Variants in CAPRIN1 observed in about 807,000 individuals in gnomAD.
CAPRIN1 encodes caprin-1.
CAPRIN1 carries 29 observed loss-of-function variants against 100.9 expected under a neutral mutation model. That is an observed-to-expected ratio of 0.29 (90% CI 0.21 to 0.39). CAPRIN1 has a LOEUF of 0.39. CAPRIN1 is among the 10% of genes least tolerant of loss of function. CAPRIN1 has a pLI of 1.00. For missense variants in CAPRIN1, 795 were observed against 876.7 expected (o/e 0.91, Z 1.18); for synonymous variants, 338 against 307.5 (o/e 1.10, Z -1.04).
intron 2 of CAPRIN1, among the ~76,000 whole-genome samples, chr11:34,068,664 A>AATTCTT (rs1295019961): frequency 6.6e-6 from 1 of 152,140 alleles, no homozygotes; most frequent in Admixed American, 6.5e-5. Context: ...TGTTGCGTGG[A>AATTCTT]ATTCTTATTG....
At position 34,086,151 on chromosome 11, in the gene CAPRIN1, C is replaced by A; in HGVS notation, c.1054C>A (p.Pro352Thr). The A allele has an allele frequency of 6.2e-7, 1 of 1,614,080 alleles. No individual in the cohort carries two copies. The highest frequency in any genetic ancestry group is 1.1e-5 in the South Asian group (1 of 91,086). ...HSLTPVAQAD[P>T]LVRRQRVQDL... The stretch of plus-strand genomic sequence containing the variant: ...TTTGACTCCAGTGGCTCAGGCAGAT[C>A]CCCTTGTGAGAAGACAGCGAGTACA... Residue 352 changes from proline (P) to threonine (T), a missense_variant, in exon 10 of 19, where the codon CCC becomes ACC. Transcript: ENST00000341394.
In CAPRIN1 at chr11:34,100,646, C is replaced by T. The variant is rs575063258; in HGVS notation, c.*1279C>T. 6.6e-6 allele frequency: 1 copy of T among 152,428 alleles called. No homozygotes were observed. The highest frequency in any genetic ancestry group is 1.9e-4 in the East Asian group (1 of 5,188). 9.4% of individuals were successfully genotyped at this position (152,428 alleles called of 1,614,324 possible). A position where few individuals can be genotyped will look rare whatever the true frequency, so the allele number is the denominator to read the frequency against. On this transcript the variant is annotated 3_prime_UTR_variant, in exon 19 of 19. Coordinates refer to ENST00000341394, the MANE Select transcript of CAPRIN1 (RefSeq NM_005898.5). The stretch of plus-strand genomic sequence containing the variant: ...CTTATTATCTTTTGTCTAATTTAAC[C>T]TTAACTGAATTCTCCGTTTCTCCTG...
intron 2 of CAPRIN1, among the ~76,000 whole-genome samples, chr11:34,068,094 C>CT (rs1343324649): frequency 6.6e-6 from 1 of 152,170 alleles, no homozygotes; most frequent in Non-Finnish European, 1.5e-5. Flanking sequence ...CGTGGGAAGA[C>CT]TAAGACTTGT....
intron 15 of CAPRIN1, among the ~76,000 whole-genome samples, chr11:34,095,326 A>T (rs1286313961): frequency 6.6e-6 from 1 of 152,242 alleles, no homozygotes; most frequent in Non-Finnish European, 1.5e-5. Context: ...GGAAAATGTT[A>T]TGTGTATTTG....
intron 7 of CAPRIN1, 139 bp downstream of exon 7, chr11:34,079,904 AGTTTTTTTTT>A: frequency 2.0e-6 from 1 of 496,814 alleles, no homozygotes; most frequent in African/African-American, 2.3e-5. Context: ...AGCATGACAA[AGTTTTTTTTT>A]TTTTTTTTTT....
At position 34,099,369 on chromosome 11, in the gene CAPRIN1, C is replaced by G. The variant is rs1590750995; in HGVS notation, c.*2C>G. On this transcript the variant is annotated 3_prime_UTR_variant, in exon 19 of 19. Transcript: ENST00000341394. The stretch of plus-strand genomic sequence containing the variant: ...ATGAACACTCAGCAAGTGAATTAAT[C>G]TGATTCACAGGATTATGTTTAATCG... 6.2e-7 allele frequency: 1 copy of G among 1,609,600 alleles called. No individual in the cohort carries two copies. The highest frequency in any genetic ancestry group is 8.5e-7 in the Non-Finnish European group (1 of 1,175,916).
At chr11:34,093,273 G>T (rs996647502) in intron 15 of CAPRIN1, among the ~76,000 whole-genome samples, 3 of 151,512 alleles carry the variant, frequency 2.0e-5, no homozygotes, top group African/African-American at 7.3e-5. Flanking sequence ...AGATACTGGA[G>T]CCTTTAACTC....
chr11:34,084,750 G>A (rs978147425), intron 9 of CAPRIN1, among the ~76,000 whole-genome samples: 4 of 152,156 alleles, frequency 2.6e-5, no homozygotes, highest in Admixed American at 1.3e-4. Context: ...AGGTAATAGG[G>A]ATGTATAGCA....
intron 2 of CAPRIN1, among the ~76,000 whole-genome samples, chr11:34,057,072 T>C (rs953503224): frequency 3.9e-5 from 6 of 152,242 alleles, no homozygotes; most frequent in Non-Finnish European, 7.3e-5. Flanking sequence ...GCAGAACTTA[T>C]GTGTTCAGTG....
intron 9 of CAPRIN1, among the ~76,000 whole-genome samples, chr11:34,084,543 G>A (rs1435841057): frequency 6.6e-6 from 1 of 152,166 alleles, no homozygotes; most frequent in African/African-American, 2.4e-5. Flanking sequence ...ACACACCGAA[G>A]TCTGCTCATA....
chr11:34,096,288 A>T, intron 15 of CAPRIN1, 191 bp from the exon 16 acceptor site: 1 of 470,106 alleles, frequency 2.1e-6, no homozygotes, highest in Non-Finnish European at 3.7e-6. Context: ...TTTACCCCCA[A>T]TAGCTGAGTC....
At chr11:34,095,117 A>T (rs1353715635) in intron 15 of CAPRIN1, among the ~76,000 whole-genome samples, 1 of 152,046 alleles carries the variant, frequency 6.6e-6, no homozygotes, top group African/African-American at 2.4e-5. Flanking sequence ...GCTGGTCTCA[A>T]ACTCCTGAGC....
At chr11:34,053,960 C>T (rs1014447925) in intron 2 of CAPRIN1, among the ~76,000 whole-genome samples, 7 of 152,198 alleles carry the variant, frequency 4.6e-5, no homozygotes, top group Non-Finnish European at 1.0e-4. Flanking sequence ...TTTATAACAT[C>T]TTGAATTTCC....
chr11:34,079,232 T>A (rs778128964), intron 6 of CAPRIN1, among the ~76,000 whole-genome samples: 1 of 152,132 alleles, frequency 6.6e-6, no homozygotes, highest in African/African-American at 2.4e-5. Context: ...AAACCTTGCC[T>A]CTACTGAAAA....
intron 1 of CAPRIN1, 65 bp from the exon 2 acceptor site, chr11:34,052,356 C>A: frequency 1.5e-6 from 2 of 1,305,848 alleles, no homozygotes; most frequent in Non-Finnish European, 2.2e-6. Flanking sequence ...TCGCCCCGTC[C>A]GTCTCCTGAC....
intron 2 of CAPRIN1, among the ~76,000 whole-genome samples, chr11:34,057,582 A>G (rs1217691863): frequency 6.6e-6 from 1 of 152,154 alleles, no homozygotes; most frequent in African/African-American, 2.4e-5. Context: ...GTACTGTTTC[A>G]TCTTTTAGAA....
chr11:34,066,329 T>G (rs1850692179), intron 2 of CAPRIN1, among the ~76,000 whole-genome samples: 1 of 151,388 alleles, frequency 6.6e-6, no homozygotes. Flanking sequence ...TTATTTTTAT[T>G]TATTTATTTA....
chr11:34,072,471 A>C (rs925271758), intron 4 of CAPRIN1, among the ~76,000 whole-genome samples: 1 of 152,192 alleles, frequency 6.6e-6, no homozygotes, highest in Non-Finnish European at 1.5e-5. Context: ...GAAATACATA[A>C]ATGTTTTTTA....
Position 34,054,877 on chromosome 11 carries a change from AATT to A in CAPRIN1, c.216+2244_216+2246del, listed in dbSNP as rs1269980928. Among the ~76,000 whole-genome samples the A allele has an allele frequency of 3.9e-5, 6 of 152,214 alleles. 1 individual carries two copies. Among genetic ancestry groups the A allele is most frequent in the Non-Finnish European group, 8.8e-5 (6 of 68,040 alleles). ...TGAACATTAATAATGTGTTAATACT[AATT>A]ATGAACATTAATGATTAGTGATATA... is the stretch of plus-strand genomic sequence containing the variant. On this transcript the variant is annotated intron_variant, in intron 2 of 18. Transcript: ENST00000341394.
Sources: allele counts gnomAD v4.1 joint callset (sites outside exome capture counted in the v4.1 genomes callset), GRCh38; gene constraint gnomAD v4.1.1; transcripts MANE v1.5; gene names NCBI Gene and HGNC (gene_info 2026-07-23, HGNC 2026-07-21).